The following KCNIP4 variants were observed in gnomAD, a reference collection of about 807,000 sequenced individuals.
The protein encoded by KCNIP4 is potassium voltage-gated channel interacting protein 4.
KCNIP4 carries 12 observed loss-of-function variants against 34.0 expected under a neutral mutation model. The observed-to-expected ratio is 0.35, with a 90% CI of 0.23 to 0.57. The LOEUF is 0.57. KCNIP4 is among the 20% of genes least tolerant of loss of function. KCNIP4 has a pLI of 0.83. For synonymous variants in KCNIP4, 124 were observed against 102.2 expected, an observed-to-expected ratio of 1.21 and a Z score of -1.29; for missense variants, 238 against 311.7, an observed-to-expected ratio of 0.76 and a Z score of 1.78.
chr4:20,819,184 C>G (rs1387922154), intron 3 of KCNIP4, among the ~76,000 whole-genome samples: 1 of 151,938 alleles, frequency 6.6e-6, no homozygotes, highest in African/African-American at 2.4e-5. Flanking sequence ...TTAATCCTCA[C>G]AAAGAACTTA....
intron 1 of KCNIP4, among the ~76,000 whole-genome samples, chr4:21,938,008 C>A (rs1729966319): frequency 6.6e-6 from 1 of 152,142 alleles, no homozygotes; most frequent in African/African-American, 2.4e-5. Context: ...CTTCCCATCT[C>A]ATAGTTTTCT....
At chr4:20,914,193 C>A (rs1257485044) in intron 1 of KCNIP4, among the ~76,000 whole-genome samples, 2 of 152,086 alleles carry the variant, frequency 1.3e-5, no homozygotes, top group East Asian at 3.9e-4. Context: ...CAGTACCAGG[C>A]ATTCAATAAG....
At chr4:20,873,797 C>T (rs1723727189) in intron 2 of KCNIP4, among the ~76,000 whole-genome samples, 1 of 152,112 alleles carries the variant, frequency 6.6e-6, no homozygotes, top group South Asian at 2.1e-4. Context: ...AGCATAGTGC[C>T]CAGGAAAGTT....
intron 1 of KCNIP4, among the ~76,000 whole-genome samples, chr4:21,314,805 A>G (rs888369694): frequency 5.9e-5 from 9 of 152,246 alleles, no homozygotes; most frequent in East Asian, 1.9e-4. Context: ...ACTGAAATAT[A>G]TAAGGCAGAA....
intron 1 of KCNIP4, among the ~76,000 whole-genome samples, chr4:20,902,099 T>G (rs1364508478): frequency 6.6e-6 from 1 of 152,216 alleles, no homozygotes; most frequent in African/African-American, 2.4e-5. Flanking sequence ...CAGAGATTAC[T>G]CATGTCTTCT....
intron 1 of KCNIP4, among the ~76,000 whole-genome samples, chr4:21,182,070 T>C (rs1159280380): frequency 6.6e-6 from 1 of 152,126 alleles, no homozygotes; most frequent in African/African-American, 2.4e-5. Context: ...ATGTTATAAG[T>C]GGACATTCAG....
intron 1 of KCNIP4, among the ~76,000 whole-genome samples, chr4:21,061,111 C>A (rs1481305285): frequency 6.6e-6 from 1 of 152,032 alleles, no homozygotes; most frequent in East Asian, 1.9e-4. Context: ...TCTTATGTTG[C>A]AAGTACAGTA....
chr4:20,990,451 A>G (rs1299099304), intron 1 of KCNIP4, among the ~76,000 whole-genome samples: 2 of 152,194 alleles, frequency 1.3e-5, no homozygotes, highest in African/African-American at 4.8e-5. Flanking sequence ...TGAATGCCCT[A>G]TTGAATCCAC....
intron 1 of KCNIP4, among the ~76,000 whole-genome samples, chr4:21,737,162 C>T (rs866346832): frequency 7.9e-5 from 12 of 152,150 alleles, no homozygotes; most frequent in Admixed American, 2.0e-4. Context: ...TTCTCACCCT[C>T]GGGTGTAGTC....
In KCNIP4 at chr4:21,668,542, T is replaced by G. The variant is rs145171006; in HGVS notation, c.61+280029A>C. Among the ~76,000 whole-genome samples, 279 of 152,212 alleles carry G rather than the reference T, an allele frequency of 1.8e-3. 3 individuals are homozygous for G. The highest frequency in any genetic ancestry group is 6.4e-3 in the African/African-American group (266 of 41,546). ...TCTGAATTGACATGTATCAAGATTTTCAAAAATAATTAAGTACATATAATC... is the reference window on the plus strand; with the variant it reads ...TCTGAATTGACATGTATCAAGATTTGCAAAAATAATTAAGTACATATAATC... On this transcript the variant is annotated intron_variant, in intron 1 of 8. Transcript: ENST00000382152.
At chr4:21,519,658 ATATATACACGTGTGTGTATGTATGTG>A (rs1735269865) in intron 1 of KCNIP4, among the ~76,000 whole-genome samples, 3 of 136,172 alleles carry the variant, frequency 2.2e-5, no homozygotes, top group African/African-American at 8.1e-5. Flanking sequence ...ATGTATGTGT[ATATATACACGTGTGTGTATGTATGTG>A]TATATACACA....
At chr4:21,632,243 C>T (rs1049861367) in intron 1 of KCNIP4, among the ~76,000 whole-genome samples, 1 of 152,090 alleles carries the variant, frequency 6.6e-6, no homozygotes, top group African/African-American at 2.4e-5. Context: ...GACAGAGTTT[C>T]GCTCTTGTTG....
chr4:21,006,736 G>A (rs1738591252), intron 1 of KCNIP4, among the ~76,000 whole-genome samples: 2 of 152,160 alleles, frequency 1.3e-5, no homozygotes, highest in African/African-American at 4.8e-5. Flanking sequence ...CAGGGAATGG[G>A]TAAGTGCATG....
intron 1 of KCNIP4, among the ~76,000 whole-genome samples, chr4:21,416,162 T>G (rs1054812544): frequency 3.3e-5 from 5 of 152,220 alleles, no homozygotes; most frequent in Admixed American, 1.3e-4. Context: ...CTCTATTTCT[T>G]TCTAACAAAG....
intron 1 of KCNIP4, chr4:20,983,836 C>T (rs1347332320): frequency 3.3e-6 from 5 of 1,536,452 alleles, no homozygotes; most frequent in African/African-American, 1.4e-5. Context: ...CAATCAGTCC[C>T]AGCAAATGAA....
intron 1 of KCNIP4, among the ~76,000 whole-genome samples, chr4:21,585,848 T>C (rs1406191099): frequency 6.6e-6 from 1 of 152,054 alleles, no homozygotes; most frequent in Non-Finnish European, 1.5e-5. Flanking sequence ...TTAAGAAATA[T>C]GTATGATGTT....
At chr4:21,819,055 C>G (rs1016249191) in intron 1 of KCNIP4, among the ~76,000 whole-genome samples, 1 of 152,188 alleles carries the variant, frequency 6.6e-6, no homozygotes, top group Admixed American at 6.5e-5. Context: ...ATGCAAAATT[C>G]TCACTCAGAT....
chr4:20,891,983 G>A (rs1037074631), intron 1 of KCNIP4, among the ~76,000 whole-genome samples: 25 of 152,218 alleles, frequency 1.6e-4, no homozygotes, highest in African/African-American at 5.1e-4. Context: ...ATAACTTGGG[G>A]TTCATATGCT....
chr4:21,883,333 A>T (rs1726570591), intron 1 of KCNIP4, among the ~76,000 whole-genome samples: 1 of 151,934 alleles, frequency 6.6e-6, no homozygotes, highest in Non-Finnish European at 1.5e-5. Context: ...AAATTTTTTT[A>T]GAAACGAGCG....
Sources: gnomAD v4.1 joint callset for allele counts (sites outside exome capture counted in the v4.1 genomes callset) on GRCh38, gnomAD v4.1.1 for gene constraint, MANE v1.5 for transcripts, NCBI Gene and HGNC (gene_info 2026-07-23, HGNC 2026-07-21) for gene names.